CDC42EP3: variants seen among roughly 807,000 people sequenced by gnomAD.
CDC42EP3 encodes the protein CDC42 effector protein (Rho GTPase binding) 3.
Under a neutral mutation model 15.5 loss-of-function variants are expected in CDC42EP3, and 4 were observed. That is an observed-to-expected ratio of 0.26 (90% CI 0.13 to 0.59). CDC42EP3 has a LOEUF of 0.59. Ranked by LOEUF, CDC42EP3 falls within the 20% of genes least tolerant of loss-of-function variation. CDC42EP3 has a pLI of 0.89. For synonymous variants in CDC42EP3, 145 were observed against 130.3 expected (o/e 1.11, Z -0.77); for missense variants, 309 against 311.2 (o/e 0.99, Z 0.05).
At chr2:37,657,453 A>T (rs186672839) in intron 1 of CDC42EP3, among the ~76,000 whole-genome samples, 1 of 152,332 alleles carries the variant, frequency 6.6e-6, no homozygotes, top group African/African-American at 2.4e-5. Flanking sequence ...AGAATAAAGT[A>T]AGCAAAAGGG....
At chr2:37,659,942 C>T (rs955618482) in intron 1 of CDC42EP3, among the ~76,000 whole-genome samples, 5 of 152,128 alleles carry the variant, frequency 3.3e-5, no homozygotes, top group South Asian at 2.1e-4. Flanking sequence ...CTGGCCTGAG[C>T]GGGGGAAGAG....
intron 1 of CDC42EP3, among the ~76,000 whole-genome samples, chr2:37,663,556 C>T (rs138319381): frequency 1.6e-4 from 24 of 152,280 alleles, no homozygotes; most frequent in African/African-American, 5.3e-4. Flanking sequence ...GAGAAGGTTC[C>T]AGCAGGGGCT....
intron 1 of CDC42EP3, among the ~76,000 whole-genome samples, chr2:37,654,319 C>T (rs1665781180): frequency 6.6e-6 from 1 of 151,904 alleles, no homozygotes; most frequent in African/African-American, 2.4e-5. Context: ...TGAAGGAGCT[C>T]GATTAGGACA....
rs1486617580 is a variant in CDC42EP3 at position 37,645,745 on chromosome 2, C to G, written c.*78G>C. On this transcript the variant is annotated 3_prime_UTR_variant, in exon 2 of 2. Coordinates refer to ENST00000295324, the MANE Select transcript of CDC42EP3 (RefSeq NM_006449.5). ...ACCCAACACAAAACTGCAAATACAG[C>G]TCCGGAAGCCCTTCTCTTCAACTGT... 2.6e-6 allele frequency: 3 copies of G among 1,142,194 alleles called. No individual in the cohort carries two copies. Among genetic ancestry groups the G allele is most frequent in the South Asian group, 1.9e-5 (1 of 52,382 alleles). 70.8% of individuals were successfully genotyped at this position (1,142,194 alleles called of 1,614,324 possible). A position where few individuals can be genotyped will look rare whatever the true frequency, so the allele number is the denominator to read the frequency against.
At position 37,642,752 on chromosome 2, in the gene CDC42EP3, C is replaced by T. The variant is rs1352282948; in HGVS notation, c.*3071G>A. 3.3e-5 allele frequency: 5 copies of T among 152,012 alleles called. No homozygotes were observed. Among genetic ancestry groups the T allele is most frequent in the South Asian group, 2.1e-4 (1 of 4,826 alleles). The allele number at this position is 152,012 out of a possible 1,614,324, so 9.4% of individuals were successfully genotyped here. A position where few individuals can be genotyped will look rare whatever the true frequency, so the allele number is the denominator to read the frequency against. On this transcript the variant is annotated 3_prime_UTR_variant, in exon 2 of 2. Coordinates refer to ENST00000295324, the MANE Select transcript of CDC42EP3 (RefSeq NM_006449.5). ...TTTTTCCATTCCAGGACTTCATTTG[C>T]GGGGAGCCTTCAGAAAAAACAGGTC...
chr2:37,665,212 G>A (rs1450847768), intron 1 of CDC42EP3, among the ~76,000 whole-genome samples: 1 of 152,056 alleles, frequency 6.6e-6, no homozygotes, highest in Non-Finnish European at 1.5e-5. Flanking sequence ...TCTGATACAA[G>A]AAAAAAGAGG....
chr2:37,647,761 T>C (rs1665523817), intron 1 of CDC42EP3: 1 of 152,218 alleles, frequency 6.6e-6, no homozygotes, highest in Admixed American at 6.5e-5. Flanking sequence ...TTATAGGAGA[T>C]TTCATCTGAG....
chr2:37,661,104 G>C (rs1282879288), intron 1 of CDC42EP3, among the ~76,000 whole-genome samples: 1 of 114,088 alleles, frequency 8.8e-6, no homozygotes, highest in Non-Finnish European at 1.9e-5. Flanking sequence ...TATAGTGTGT[G>C]TGTACAGTGT....
At chr2:37,660,383 C>A (rs11124594) in intron 1 of CDC42EP3, among the ~76,000 whole-genome samples, 1 of 151,958 alleles carries the variant, frequency 6.6e-6, no homozygotes, top group East Asian at 1.9e-4. Flanking sequence ...CTCATTCACA[C>A]CTACATGCAT....
chr2:37,654,220 G>T (rs1396164037), intron 1 of CDC42EP3, among the ~76,000 whole-genome samples: 4 of 152,072 alleles, frequency 2.6e-5, no homozygotes, highest in Admixed American at 6.6e-5. Flanking sequence ...CAAGCGCCCA[G>T]AACATGATCC....
chr2:37,657,655 G>C (rs1413074311), intron 1 of CDC42EP3, among the ~76,000 whole-genome samples: 1 of 152,180 alleles, frequency 6.6e-6, no homozygotes, highest in East Asian at 1.9e-4. Flanking sequence ...CCCCCTGCCT[G>C]TTTTTATAGA....
chr2:37,642,051 C>T lies in CDC42EP3; in HGVS notation c.*3772G>A, dbSNP rs921894537. On this transcript the variant is annotated 3_prime_UTR_variant, in exon 2 of 2. Coordinates refer to ENST00000295324, the MANE Select transcript of CDC42EP3 (RefSeq NM_006449.5). Reference sequence around the variant, plus strand: ...GCAGCATTGTACCACAGAATAATGACTCCCTAATAACTCAGCTGAAAAATA... The same window carrying T: ...GCAGCATTGTACCACAGAATAATGATTCCCTAATAACTCAGCTGAAAAATA... 17 of 152,164 alleles carry T rather than the reference C, an allele frequency of 1.1e-4. No individual in the cohort carries two copies. Among genetic ancestry groups the T allele is most frequent in the African/African-American group, 3.9e-4 (16 of 41,422 alleles). The allele number at this position is 152,164 out of a possible 1,614,324, so 9.4% of individuals were successfully genotyped here. A position where few individuals can be genotyped will look rare whatever the true frequency, so the allele number is the denominator to read the frequency against.
chr2:37,672,716 C>T (rs904944708), upstream of CDC42EP3, among the ~76,000 whole-genome samples: 1 of 152,212 alleles, frequency 6.6e-6, no homozygotes, highest in South Asian at 2.1e-4. Flanking sequence ...GCATGGTCAG[C>T]CAGGGGAGGG....
chr2:37,652,005 C>G (rs531877546), intron 1 of CDC42EP3, among the ~76,000 whole-genome samples: 7 of 151,896 alleles, frequency 4.6e-5, no homozygotes, highest in African/African-American at 7.2e-5. Context: ...GAAACCCCGT[C>G]TCTACTAAAA....
chr2:37,669,368 C>A (rs936113377), intron 1 of CDC42EP3, among the ~76,000 whole-genome samples: 2 of 152,072 alleles, frequency 1.3e-5, no homozygotes, highest in African/African-American at 4.8e-5. Context: ...AAACAAAACA[C>A]CACATTAAAG....
upstream of CDC42EP3, chr2:37,671,817 G>A (rs1666436236): frequency 5.4e-5 from 1 of 18,608 alleles, no homozygotes; most frequent in South Asian, 1.1e-3. Context: ...CCGGGCGCGC[G>A]CGCGGGGGGG....
chr2:37,661,567 A>T (rs999485364), intron 1 of CDC42EP3, among the ~76,000 whole-genome samples: 2 of 152,146 alleles, frequency 1.3e-5, no homozygotes, highest in Non-Finnish European at 2.9e-5. Context: ...TGATGAATAG[A>T]AGTCCTGCTT....
chr2:37,646,352 G>T lies in CDC42EP3; in HGVS notation c.236C>A (p.Pro79His). The change falls in exon 2 of 2, where the codon CCT becomes CAT. Residue 79 changes from proline (P) to histidine (H), a missense_variant. Coordinates refer to ENST00000295324, the MANE Select transcript of CDC42EP3 (RefSeq NM_006449.5). ...GGCCCGGAAGAACTCATTATGCCCA[G>T]GGAACTGGCCCAGGTGTGCTTTCTC... ...NQEKAHLGQF[P>H]GHNEFFRANS... 1 of 1,614,042 alleles carries T rather than the reference G, an allele frequency of 6.2e-7. No homozygotes were observed. Among genetic ancestry groups the T allele is most frequent in the East Asian group, 2.2e-5 (1 of 44,872 alleles).
intron 1 of CDC42EP3, among the ~76,000 whole-genome samples, chr2:37,652,786 C>T (rs972392525): frequency 6.6e-6 from 1 of 151,808 alleles, no homozygotes; most frequent in African/African-American, 2.4e-5. Context: ...GTTGCCCAGG[C>T]TGGTCTTGAA....
Sources: allele counts gnomAD v4.1 joint callset (sites outside exome capture counted in the v4.1 genomes callset), GRCh38; gene constraint gnomAD v4.1.1; transcripts MANE v1.5; gene names NCBI Gene and HGNC (gene_info 2026-07-23, HGNC 2026-07-21).